Variants in PDE3B observed in about 807,000 individuals in gnomAD.
The protein encoded by PDE3B is phosphodiesterase 3B.
A neutral mutation model predicts 116.8 loss-of-function variants in PDE3B; 66 were observed. The observed-to-expected ratio is 0.56, with a 90% confidence interval of 0.46 to 0.69. PDE3B has a LOEUF of 0.69. Ranked by LOEUF, PDE3B falls within the 30% of genes least tolerant of loss-of-function variation. PDE3B has a pLI of 0.00. For missense variants in PDE3B, 1,384 were observed against 1,368.1 expected (o/e 1.01, Z -0.18); for synonymous variants, 595 against 533.6 (o/e 1.12, Z -1.59).
intron 14 of PDE3B, among the ~76,000 whole-genome samples, chr11:14,864,702 G>C (rs1187041553): frequency 1.3e-5 from 2 of 151,974 alleles, no homozygotes; most frequent in African/African-American, 2.4e-5. Context: ...AATGACTACT[G>C]GGTAAATAAC....
chr11:14,885,402 C>T, the PDE3B span, among the ~76,000 whole-genome samples: 3 of 152,080 alleles, frequency 2.0e-5, no homozygotes, highest in African/African-American at 4.8e-5. Flanking sequence ...GTTCTGTAAG[C>T]TTATAAGTAA....
chr11:14,749,297 G>T (rs1382835482), intron 1 of PDE3B, among the ~76,000 whole-genome samples: 3 of 152,056 alleles, frequency 2.0e-5, no homozygotes, highest in Admixed American at 6.6e-5. Context: ...CATCTAGTCT[G>T]GCCTTTCAGT....
chr11:14,751,965 C>T (rs1300152068), intron 1 of PDE3B, among the ~76,000 whole-genome samples: 1 of 152,110 alleles, frequency 6.6e-6, no homozygotes, highest in African/African-American at 2.4e-5. Flanking sequence ...GTGAATGCAT[C>T]TTTGAAGTGG....
chr11:14,824,524 C>T (rs1253215681), intron 7 of PDE3B, among the ~76,000 whole-genome samples: 2 of 152,054 alleles, frequency 1.3e-5, no homozygotes, highest in African/African-American at 4.8e-5. Context: ...AGAGACCAAG[C>T]TGAGGAAAGA....
At chr11:14,770,972 A>G (rs1857625906) in intron 1 of PDE3B, among the ~76,000 whole-genome samples, 1 of 151,732 alleles carries the variant, frequency 6.6e-6, no homozygotes, top group Non-Finnish European at 1.5e-5. Context: ...GTTATAAAAC[A>G]AAAACAAAAA....
chr11:14,782,488 T>C (rs1858040939), intron 2 of PDE3B, among the ~76,000 whole-genome samples: 1 of 152,106 alleles, frequency 6.6e-6, no homozygotes, highest in Non-Finnish European at 1.5e-5. Context: ...TTGACAAACC[T>C]GATAAAAACA....
In PDE3B at chr11:14,871,049, A is replaced by G. The variant is rs2133999890; in HGVS notation, c.*1389A>G. The G allele has an allele frequency of 6.6e-6, 1 of 152,320 alleles. No homozygotes were observed. The highest frequency in any genetic ancestry group is 2.1e-4 in the South Asian group (1 of 4,830). The allele number at this position is 152,320 out of a possible 1,614,324, so 9.4% of individuals were successfully genotyped here. A position where few individuals can be genotyped will look rare whatever the true frequency, so the allele number is the denominator to read the frequency against. On this transcript the variant is annotated 3_prime_UTR_variant, in exon 16 of 16. Coordinates refer to ENST00000282096, the MANE Select transcript of PDE3B (RefSeq NM_000922.4). ...TTCTATTATTATTGGAGAACATATC[A>G]TATTTTGGAATCATGCAATTTTGCA... is the stretch of plus-strand genomic sequence containing the variant.
At chr11:14,896,446 C>T in the PDE3B span, among the ~76,000 whole-genome samples, 2 of 152,122 alleles carry the variant, frequency 1.3e-5, no homozygotes, top group African/African-American at 4.8e-5. Context: ...CTGGGGTTTA[C>T]ATTCTATTGG....
rs754520798 is a variant in PDE3B, at chr11:14,805,104, C to T, written c.1522+1054C>T. On this transcript the variant is annotated intron_variant, in intron 5 of 15. Transcript: ENST00000282096. Reference sequence around the variant, plus strand: ...GAGAAACAAAAGGACAGAATAACTTCGCAAAACTAATAAAAGAAAGCAAAC... The same window carrying T: ...GAGAAACAAAAGGACAGAATAACTTTGCAAAACTAATAAAAGAAAGCAAAC... 2.6e-4 allele frequency among the ~76,000 whole-genome samples: 40 copies of T among 152,084 alleles called. 1 individual carries two copies. The highest frequency in any genetic ancestry group is 8.9e-4 in the African/African-American group (37 of 41,430).
chr11:14,741,902 A>G (rs1469163038), intron 1 of PDE3B, among the ~76,000 whole-genome samples: 2 of 152,160 alleles, frequency 1.3e-5, no homozygotes, highest in Non-Finnish European at 2.9e-5. Flanking sequence ...TTCTTTAAGA[A>G]TGTTGAATAT....
At chr11:14,884,690 A>T in the PDE3B span, among the ~76,000 whole-genome samples, 3 of 152,022 alleles carry the variant, frequency 2.0e-5, no homozygotes, top group Admixed American at 6.6e-5. Context: ...ATAATAATTT[A>T]AAAAAATAAA....
intron 5 of PDE3B, among the ~76,000 whole-genome samples, chr11:14,816,265 A>G (rs962993686): frequency 6.6e-6 from 1 of 152,220 alleles, no homozygotes; most frequent in Non-Finnish European, 1.5e-5. Context: ...TATCTTCACA[A>G]CAACATCTAT....
chr11:14,730,026 C>T (rs185665491), intron 1 of PDE3B, among the ~76,000 whole-genome samples: 2 of 152,280 alleles, frequency 1.3e-5, no homozygotes, highest in Admixed American at 1.3e-4. Context: ...AATAGGACCA[C>T]AACCAAAATC....
At chr11:14,806,084 C>T (rs1289780561) in intron 5 of PDE3B, among the ~76,000 whole-genome samples, 5 of 152,124 alleles carry the variant, frequency 3.3e-5, no homozygotes, top group African/African-American at 4.8e-5. Context: ...GACAGTGTGG[C>T]GATTCCTCAA....
chr11:14,748,832 A>G (rs1294325483), intron 1 of PDE3B, among the ~76,000 whole-genome samples: 1 of 151,956 alleles, frequency 6.6e-6, no homozygotes, highest in African/African-American at 2.4e-5. Context: ...AAATGATACT[A>G]TTAAAAAAAG....
the PDE3B span, chr11:14,880,189 GT>G: frequency 6.2e-7 from 1 of 1,612,960 alleles, no homozygotes; most frequent in Non-Finnish European, 8.5e-7. Context: ...TAGCACATTG[GT>G]TGTAGTTTCA....
intron 1 of PDE3B, among the ~76,000 whole-genome samples, chr11:14,721,161 A>G (rs1361368911): frequency 1.3e-5 from 2 of 151,948 alleles, no homozygotes; most frequent in Non-Finnish European, 2.9e-5. Flanking sequence ...GCAGCCAAAA[A>G]ATACATGAAA....
intron 1 of PDE3B, among the ~76,000 whole-genome samples, chr11:14,666,653 C>T (rs1433168402): frequency 1.3e-5 from 2 of 151,678 alleles, no homozygotes; most frequent in Non-Finnish European, 2.9e-5. Context: ...CAAAAGAAGA[C>T]ATTTATGCAG....
At chr11:14,753,592 T>C (rs1857111062) in intron 1 of PDE3B, among the ~76,000 whole-genome samples, 2 of 152,122 alleles carry the variant, frequency 1.3e-5, no homozygotes, top group South Asian at 2.1e-4. Context: ...CAGTGCTGTA[T>C]CTTCAGTATT....
Sources: gnomAD v4.1 joint callset for allele counts (sites outside exome capture counted in the v4.1 genomes callset) on GRCh38, gnomAD v4.1.1 for gene constraint, MANE v1.5 for transcripts, NCBI Gene and HGNC (gene_info 2026-07-23, HGNC 2026-07-21) for gene names.